Variants in DISC1 observed in about 807,000 individuals in gnomAD.
DISC1 encodes DISC1 scaffold protein, also known as disrupted in schizophrenia 1 protein.
In DISC1, 57 loss-of-function variants were observed where a neutral mutation model predicts 84.5. The observed-to-expected ratio is 0.67, with a 90% CI of 0.55 to 0.84. The LOEUF is 0.84. DISC1 is among the 40% of genes least tolerant of loss of function. The pLI is 0.00. For synonymous variants in DISC1, 411 were observed against 415.2 expected, an observed-to-expected ratio of 0.99 and a Z score of 0.12; for missense variants, 1,000 against 1,057.8, an observed-to-expected ratio of 0.95 and a Z score of 0.76.
intron 6 of DISC1, chr1:231,774,594 G>A (rs1050507688): frequency 2.3e-6 from 1 of 430,830 alleles, no homozygotes; most frequent in African/African-American, 2.0e-5. Context: ...TGTGGGCTGT[G>A]TAGGTGCACA....
intron 9 of DISC1, among the ~76,000 whole-genome samples, chr1:231,833,545 G>C (rs759012129): frequency 4.7e-4 from 71 of 151,770 alleles, no homozygotes; most frequent in Non-Finnish European, 7.8e-4. Context: ...GGGGCTCTGG[G>C]AGTGGCTGCC....
intron 9 of DISC1, among the ~76,000 whole-genome samples, chr1:231,874,631 G>C (rs776440885): frequency 4.6e-5 from 7 of 151,898 alleles, no homozygotes; most frequent in Non-Finnish European, 1.0e-4. Flanking sequence ...AGAATACCAG[G>C]CTGGGCGTGG....
At chr1:231,700,032 A>G (rs111273927) in intron 2 of DISC1, among the ~76,000 whole-genome samples, 27 of 152,228 alleles carry the variant, frequency 1.8e-4, no homozygotes, top group African/African-American at 6.3e-4. Flanking sequence ...CTCCCTTACC[A>G]CTTTTAAATC....
chr1:231,841,027 C>T (rs927026783), intron 9 of DISC1, among the ~76,000 whole-genome samples: 3 of 152,158 alleles, frequency 2.0e-5, no homozygotes, highest in African/African-American at 7.2e-5. Flanking sequence ...GTCGAACATT[C>T]CTAATCTGAA....
intron 11 of DISC1, among the ~76,000 whole-genome samples, chr1:232,016,205 A>T (rs1668479419): frequency 6.6e-6 from 1 of 152,238 alleles, no homozygotes; most frequent in Admixed American, 6.5e-5. Flanking sequence ...AAACACTTAG[A>T]GTTCAAATTT....
At chr1:231,739,485 C>T (rs2072965837) in intron 3 of DISC1, among the ~76,000 whole-genome samples, 1 of 152,188 alleles carries the variant, frequency 6.6e-6, no homozygotes, top group Non-Finnish European at 1.5e-5. Context: ...GTGTGGCAGC[C>T]CCTGCATCCT....
At chr1:231,898,024 T>G (rs1397886458) in intron 9 of DISC1, among the ~76,000 whole-genome samples, 1 of 152,080 alleles carries the variant, frequency 6.6e-6, no homozygotes, top group Non-Finnish European at 1.5e-5. Flanking sequence ...CTCAAGAGAC[T>G]TATAACAGAA....
At chr1:232,014,021 G>A (rs748966605) in intron 11 of DISC1, among the ~76,000 whole-genome samples, 15 of 152,056 alleles carry the variant, frequency 9.9e-5, no homozygotes, top group Non-Finnish European at 2.1e-4. Flanking sequence ...GCATACCAAA[G>A]TGTCACACTT....
chr1:231,824,337 TC>T (rs1480130583), intron 9 of DISC1, among the ~76,000 whole-genome samples: 2 of 152,106 alleles, frequency 1.3e-5, no homozygotes, highest in Admixed American at 6.5e-5. Context: ...AAAAAAAATG[TC>T]AAATAGGATC....
intron 9 of DISC1, among the ~76,000 whole-genome samples, chr1:231,931,711 T>C (rs1013559866): frequency 6.6e-6 from 1 of 150,854 alleles, no homozygotes; most frequent in Non-Finnish European, 1.5e-5. Flanking sequence ...TGGAGTGGCA[T>C]AGTCATAACT....
In DISC1 at chr1:231,643,351, T is replaced by TA. The variant is rs1267576309; in HGVS notation, c.67+16426dup. On this transcript the variant is annotated intron_variant, in intron 1 of 12. Coordinates refer to ENST00000439617, the MANE Select transcript of DISC1 (RefSeq NM_018662.3). ...CTCCTTTGAGTGAGGCAATAACTAGTAAAAAAAAATAAAATAAAATAAATG... is the reference window on the plus strand; with the variant it reads ...CTCCTTTGAGTGAGGCAATAACTAGTAAAAAAAAAATAAAATAAAATAAATG... Among the ~76,000 whole-genome samples the TA allele has an allele frequency of 3.3e-3, 506 of 151,408 alleles. 7 individuals carry two copies. The highest frequency in any genetic ancestry group is 0.011 in the African/African-American group (446 of 41,262).
At chr1:231,645,215 T>C (rs1424405991) in intron 1 of DISC1, among the ~76,000 whole-genome samples, 1 of 151,964 alleles carries the variant, frequency 6.6e-6, no homozygotes, top group Middle Eastern at 3.2e-3. Context: ...CAGAAGAGGA[T>C]TGGTTGTTCT....
intron 5 of DISC1, among the ~76,000 whole-genome samples, chr1:231,768,496 GTTTTTGA>G (rs1181112608): frequency 1.3e-5 from 2 of 152,138 alleles, no homozygotes; most frequent in Admixed American, 6.5e-5. Context: ...GTGAAATCTG[GTTTTTGA>G]TTTTTAATAA....
At chr1:231,736,459 C>A (rs552178356) in intron 3 of DISC1, among the ~76,000 whole-genome samples, 1 of 152,200 alleles carries the variant, frequency 6.6e-6, no homozygotes, top group Non-Finnish European at 1.5e-5. Context: ...TATTCTTACT[C>A]TGCAAAGTGT....
intron 10 of DISC1, among the ~76,000 whole-genome samples, chr1:232,004,732 T>C (rs142130849): frequency 6.6e-6 from 1 of 152,156 alleles, no homozygotes; most frequent in East Asian, 1.9e-4. Flanking sequence ...AAATGAAAAA[T>C]ACCAAAGTGC....
intron 9 of DISC1, among the ~76,000 whole-genome samples, chr1:231,853,018 G>T (rs1270838166): frequency 6.6e-6 from 1 of 152,180 alleles, no homozygotes; most frequent in Non-Finnish European, 1.5e-5. Flanking sequence ...TTAGACTGCA[G>T]TTAGGAAATG....
Position 232,008,951 on chromosome 1 carries a change from C to A in DISC1, c.2209C>A (p.His737Asn). The change falls in exon 11 of 13, where the codon CAC (histidine) becomes AAC (asparagine). Residue 737 changes from histidine (H) to asparagine (N), a missense_variant. Transcript: ENST00000439617. ...GAAPPIPPRL[H>N]SEDKRKTPLK... ...TGCTCCTCCTATTCCCCCCAGGCTC[C>A]ACTCCGAGGATAAAAGGAAGACCCC... 6.2e-7 allele frequency: 1 copy of A among 1,613,846 alleles called. No individual in the cohort carries two copies. The highest frequency in any genetic ancestry group is 8.5e-7 in the Non-Finnish European group (1 of 1,179,854).
chr1:231,927,123 A>T (rs1284280067), intron 9 of DISC1, among the ~76,000 whole-genome samples: 1 of 152,182 alleles, frequency 6.6e-6, no homozygotes, highest in African/African-American at 2.4e-5. Context: ...TTGCTCTCCA[A>T]CTAGAAAGGC....
intron 9 of DISC1, among the ~76,000 whole-genome samples, chr1:231,863,408 T>C (rs561661168): frequency 2.8e-3 from 418 of 151,954 alleles, no homozygotes; most frequent in African/African-American, 9.5e-3. Flanking sequence ...TTTTTGTACT[T>C]TTAGTAGAGA....
Sources: gnomAD v4.1 joint callset for allele counts (sites outside exome capture counted in the v4.1 genomes callset) on GRCh38, gnomAD v4.1.1 for gene constraint, MANE v1.5 for transcripts, NCBI Gene and HGNC (gene_info 2026-07-23, HGNC 2026-07-21) for gene names.